Variants in PADI4 observed in about 807,000 individuals in gnomAD.
PADI4 encodes the protein peptidyl arginine deiminase 4.
PADI4 carries 62 observed loss-of-function variants against 75.0 expected under a neutral mutation model. The ratio of observed to expected loss-of-function variants is 0.83; its 90% CI spans 0.67 to 1.02. The LOEUF (loss-of-function observed/expected upper bound fraction) is 1.02, where lower values mean the gene tolerates loss of function less well. PADI4 is among the 50% of genes least tolerant of loss of function. PADI4 has a pLI of 0.00. For synonymous variants in PADI4, 361 were observed against 348.1 expected (o/e 1.04, Z -0.41); for missense variants, 845 against 850.5 (o/e 0.99, Z 0.08).
At position 17,310,743 on chromosome 1, in the gene PADI4, T is replaced by C. The variant is rs376745576; in HGVS notation, c.92+2429T>C. Among the ~76,000 whole-genome samples the C allele has an allele frequency of 2.6e-5, 4 of 152,082 alleles. No homozygotes were observed. In the East Asian group the frequency reaches 7.8e-4, roughly 30 times the overall value. On this transcript the variant is annotated intron_variant, in intron 1 of 15. Transcript: ENST00000375448. ...TGAGAGGCCAAGATGGGCAAATCACTTGTGGTCAGAATTTCGAGACCAGCC... is the reference window on the plus strand; with the variant it reads ...TGAGAGGCCAAGATGGGCAAATCACCTGTGGTCAGAATTTCGAGACCAGCC...
chr1:17,358,470 G>A (rs1256762914), intron 13 of PADI4, among the ~76,000 whole-genome samples: 1 of 53,434 alleles, frequency 1.9e-5, no homozygotes, highest in Non-Finnish European at 3.3e-5. Context: ...CGGAGGCTGA[G>A]GCAGGAGAAT....
intron 1 of PADI4, among the ~76,000 whole-genome samples, chr1:17,315,536 T>TTCCACCATCCTGACATCAGCC (rs1195136560): frequency 2.7e-4 from 40 of 150,472 alleles, no homozygotes; most frequent in Admixed American, 1.4e-3. Flanking sequence ...CTCAAAAACA[T>TTCCACCATCCTGACATCAGCC]TCCACCATCC....
At chr1:17,315,736 T>C (rs1285347430) in intron 1 of PADI4, among the ~76,000 whole-genome samples, 1 of 151,934 alleles carries the variant, frequency 6.6e-6, no homozygotes, top group Non-Finnish European at 1.5e-5. Context: ...TTTCTAAAAA[T>C]CGGTGCCTGC....
intron 4 of PADI4, among the ~76,000 whole-genome samples, chr1:17,336,932 G>A (rs1411906064): frequency 6.6e-6 from 1 of 152,214 alleles, no homozygotes; most frequent in Non-Finnish European, 1.5e-5. Context: ...CGCGAAGGGA[G>A]GCGCCATCAC....
In PADI4 at chr1:17,359,386, C is replaced by T. The variant is rs761547333; in HGVS notation, c.1736C>T (p.Ala579Val). Residue 579 changes from alanine to valine, a missense_variant, in exon 15 of 16, where the codon GCG becomes GTG. Ala to Val is a moderately conservative substitution (Grantham distance 64, BLOSUM62 0). Coordinates refer to ENST00000375448, the MANE Select transcript of PADI4 (RefSeq NM_012387.3). ...TTCAAGCTCAAAGAGTTCTCTAAGG[C>T]GGAAGCTTTTTTCCCCAACATGGTG... ...QLFKLKEFSK[A>V]EAFFPNMVNM... The T allele has an allele frequency of 1.1e-5, 17 of 1,613,996 alleles. No individual in the cohort carries two copies. Among genetic ancestry groups the T allele is most frequent in the African/African-American group, 4.0e-5 (3 of 74,930 alleles).
rs138047575 is a variant in PADI4 at position 17,339,371 on chromosome 1, C to T, written c.527-317C>T. ...GCTGGTCATTGTTCTAGGGAGTTCT[C>T]GGCTTTCTAGGTTCAAGATTCAGGG... On this transcript the variant is annotated intron_variant, in intron 5 of 15. Coordinates refer to ENST00000375448, the MANE Select transcript of PADI4 (RefSeq NM_012387.3). Among the ~76,000 whole-genome samples the T allele has an allele frequency of 5.3e-4, 81 of 152,284 alleles. 1 individual carries two copies. Among genetic ancestry groups the T allele is most frequent in the African/African-American group, 1.9e-3 (78 of 41,558 alleles).
At chr1:17,313,085 G>A (rs569175777) in intron 1 of PADI4, among the ~76,000 whole-genome samples, 6 of 152,094 alleles carry the variant, frequency 3.9e-5, no homozygotes, top group Non-Finnish European at 8.8e-5. Flanking sequence ...AGCTACTCGC[G>A]AGGGTGAGGC....
chr1:17,342,319 G>A lies in PADI4; in HGVS notation c.852G>A (p.Val284=), dbSNP rs2074436526. 3 of 1,613,512 alleles carry A rather than the reference G, an allele frequency of 1.9e-6. No individual in the cohort carries two copies. The highest frequency in any genetic ancestry group is 2.2e-5 in the East Asian group (1 of 44,870). The change falls in exon 8 of 16, where the codon GTG becomes GTA. Residue 284 remains valine, a synonymous_variant. Transcript: ENST00000375448. ...TSNLELPEAV[V]FQDSVVFRVA... ...TGCAGGAGCTCCCCGAGGCTGTGGT[G>A]TTCCAAGACAGCGTGGTCTTCCGCG...
Position 17,308,660 on chromosome 1 carries a change from G to A in PADI4, c.92+346G>A, listed in dbSNP as rs80234229. 9.5e-3 allele frequency among the ~76,000 whole-genome samples: 1,454 copies of A among 152,284 alleles called. 24 individuals are homozygous for A. The highest frequency in any genetic ancestry group is 0.033 in the African/African-American group (1,352 of 41,532). On this transcript the variant is annotated intron_variant, in intron 1 of 15. Transcript: ENST00000375448. ...GTCACACAGCACGTGTGCCCTGGAA[G>A]TAAGGTTAGCCCCTGGGCCTCCTGG...
chr1:17,363,365 C>T (rs546060781), intron 15 of PADI4, among the ~76,000 whole-genome samples, 157 bp from the exon 16 acceptor site: 5 of 152,290 alleles, frequency 3.3e-5, no homozygotes, highest in African/African-American at 9.6e-5. Flanking sequence ...TCAAGCGATC[C>T]TCCTGCCTCA....
chr1:17,341,617 T>C (rs1282661730), intron 6 of PADI4, among the ~76,000 whole-genome samples: 2 of 152,220 alleles, frequency 1.3e-5, no homozygotes, highest in African/African-American at 4.8e-5. Context: ...CCTGGTCCCC[T>C]GCTGTGCCCC....
intron 3 of PADI4, 22 bp from the exon 4 acceptor site, chr1:17,336,137 C>T: frequency 6.3e-7 from 1 of 1,590,708 alleles, no homozygotes; most frequent in South Asian, 1.1e-5. Context: ...CCAACCTCTC[C>T]TCTTACTTGA....
At chr1:17,340,050 G>GCACACACACA (rs758140461) in intron 6 of PADI4, among the ~76,000 whole-genome samples, 11 of 148,638 alleles carry the variant, frequency 7.4e-5, no homozygotes, top group East Asian at 2.0e-4. Flanking sequence ...ACACACGCGC[G>GCACACACACA]CGCACACACA....
chr1:17,334,007 T>C lies in PADI4; in HGVS notation c.338T>C (p.Val113Ala), dbSNP rs771077130. 1.1e-5 allele frequency: 18 copies of C among 1,592,596 alleles called. No homozygotes were observed. In the South Asian group the frequency reaches 2.0e-4, roughly 18 times the overall value. The change falls in exon 3 of 16, where the codon GTG becomes GCG. Residue 113 changes from valine (V) to alanine (A), a missense_variant and splice_region_variant. Physicochemically the swap from Val to Ala is moderately conservative, Grantham distance 64 (BLOSUM62 0). Transcript: ENST00000375448. ...AAAGCTCTACTCTACCTCACCGGGG[T>C]GGGTAAGTGACAACCAGGATCCTAG... Reference protein sequence around the residue: ...PVKALLYLTGVEISLCADITR... With the variant: ...PVKALLYLTGAEISLCADITR...
intron 1 of PADI4, among the ~76,000 whole-genome samples, chr1:17,321,392 C>G (rs559121790): frequency 2.0e-5 from 3 of 152,340 alleles, no homozygotes; most frequent in Admixed American, 1.3e-4. Context: ...TCCAATATAC[C>G]TAACTCTTGA....
In PADI4 at chr1:17,338,102, A is replaced by G. The variant is rs746519176; in HGVS notation, c.473A>G (p.Asn158Ser). 8.7e-6 allele frequency: 14 copies of G among 1,613,334 alleles called. No individual in the cohort carries two copies. In the African/African-American group the frequency reaches 1.5e-4, roughly 17 times the overall value. Reference sequence around the variant, plus strand: ...CTGCTGGTGAACTGTGACAGAGACAATCTCGAATCTTCTGCCATGGACTGC... The same window carrying G: ...CTGCTGGTGAACTGTGACAGAGACAGTCTCGAATCTTCTGCCATGGACTGC... The part of the protein sequence containing the change: ...AILLVNCDRD[N>S]LESSAMDCED... Residue 158 changes from asparagine to serine, a missense_variant, in exon 5 of 16, where the codon AAT becomes AGT. Asn to Ser is a conservative substitution (Grantham distance 46). Coordinates refer to ENST00000375448, the MANE Select transcript of PADI4 (RefSeq NM_012387.3).
chr1:17,341,952 T>A lies in PADI4; in HGVS notation c.662T>A (p.Leu221Gln). The stretch of plus-strand genomic sequence containing the variant: ...CCTGCCTCTCTCCTAGGGGGCAAAC[T>A]GTCCTCCAAGTGCAGCGTAGTCTTG... ...VRVFQATRGK[L>Q]SSKCSVVLGP... Residue 221 changes from leucine to glutamine, a missense_variant, in exon 7 of 16, where the codon CTG becomes CAG. Physicochemically the swap from Leu to Gln is moderately radical, Grantham distance 113. Coordinates refer to ENST00000375448, the MANE Select transcript of PADI4 (RefSeq NM_012387.3). The A allele has an allele frequency of 1.2e-6, 2 of 1,613,626 alleles. No individual in the cohort carries two copies. Among genetic ancestry groups the A allele is most frequent in the Non-Finnish European group, 1.7e-6 (2 of 1,179,702 alleles).
At position 17,321,725 on chromosome 1, in the gene PADI4, T is replaced by C. The variant is rs537357654; in HGVS notation, c.93-9244T>C. Among the ~76,000 whole-genome samples the C allele has an allele frequency of 6.6e-5, 10 of 152,330 alleles. No individual in the cohort carries two copies. In the South Asian group the frequency reaches 2.1e-3, roughly 32 times the overall value. On this transcript the variant is annotated intron_variant, in intron 1 of 15. Coordinates refer to ENST00000375448, the MANE Select transcript of PADI4 (RefSeq NM_012387.3). ...TCCTGAAGGATCAACATCAGAATGTTAGTGATTGTCTTGTAAATCAATGAA... is the reference window on the plus strand; with the variant it reads ...TCCTGAAGGATCAACATCAGAATGTCAGTGATTGTCTTGTAAATCAATGAA...
intron 1 of PADI4, among the ~76,000 whole-genome samples, chr1:17,324,146 G>GTTTTTTT (rs71575827): frequency 1.8e-5 from 2 of 113,906 alleles, no homozygotes; most frequent in African/African-American, 3.3e-5. Context: ...ACCAAGTTGG[G>GTTTTTTT]TTTTTTTTGT....
Sources: allele counts gnomAD v4.1 joint callset (sites outside exome capture counted in the v4.1 genomes callset), GRCh38; gene constraint gnomAD v4.1.1; transcripts MANE v1.5; gene names NCBI Gene and HGNC (gene_info 2026-07-23, HGNC 2026-07-21).